OPHN1: variants seen among roughly 807,000 people sequenced by gnomAD.
OPHN1 encodes oligophrenin 1, also known as oligophrenin-1.
A neutral mutation model predicts 60.7 loss-of-function variants in OPHN1; 11 were observed. That is an observed-to-expected ratio of 0.18 (90% CI 0.11 to 0.30). OPHN1 has a LOEUF of 0.30. Among genes scored for constraint, OPHN1 ranks in the 10% least tolerant of loss-of-function variants. The pLI, the probability that OPHN1 is intolerant of heterozygous loss-of-function variation, is 1.00. For synonymous variants in OPHN1, 226 were observed against 222.6 expected (o/e 1.02, Z -0.14); for missense variants, 449 against 611.0 (o/e 0.73, Z 2.80).
chrX:68,426,553 T>TAC (rs1491173430), intron 2 of OPHN1, among the ~76,000 whole-genome samples: 56 of 44,366 alleles, frequency 1.3e-3, no homozygotes, highest in Non-Finnish European at 2.4e-3. Flanking sequence ...ACATCTGTTT[T>TAC]ATATATATAT....
intron 2 of OPHN1, among the ~76,000 whole-genome samples, chrX:68,420,515 A>G (rs12395347): frequency 0.043 from 4,843 of 111,753 alleles, 285 homozygotes; most frequent in African/African-American, 0.15. Context: ...CTATATATCC[A>G]CATCCTAAAA....
Position 68,270,972 on chromosome X carries a change from T to C in OPHN1, c.384+3766A>G, listed in dbSNP as rs926332148. On this transcript the variant is annotated intron_variant, in intron 5 of 24. Transcript: ENST00000355520. The stretch of plus-strand genomic sequence containing the variant: ...AGTGTCCCCACCTGTTAATGGGGGA[T>C]AATAACTTTTGCAAGATTGTTCTGA... Among the ~76,000 whole-genome samples the C allele has an allele frequency of 5.4e-4, 60 of 111,050 alleles. 1 individual carries two copies. The highest frequency in any genetic ancestry group is 1.9e-3 in the African/African-American group (59 of 30,575).
Position 68,359,909 on chromosome X carries a change from A to G in OPHN1, c.155-60813T>C, listed in dbSNP as rs184510721. Among the ~76,000 whole-genome samples, 238 of 106,508 alleles carry G rather than the reference A, an allele frequency of 2.2e-3. 2 individuals carry two copies. Among genetic ancestry groups the G allele is most frequent in the African/African-American group, 8.0e-3 (231 of 29,039 alleles). The allele number at this position is 106,508 out of a possible 115,157, so 92.5% of individuals were successfully genotyped here. ...AATTGCCTAGTACAGCATGAGAGCC[A>G]GAATGCCTAAGTTCAAATCACCAGG... is the stretch of plus-strand genomic sequence containing the variant. On this transcript the variant is annotated intron_variant, in intron 2 of 24. Coordinates refer to ENST00000355520, the MANE Select transcript of OPHN1 (RefSeq NM_002547.3).
intron 2 of OPHN1, among the ~76,000 whole-genome samples, chrX:68,325,462 C>T (rs1431448377): frequency 9.7e-6 from 1 of 103,372 alleles, no homozygotes; most frequent in Non-Finnish European, 2.0e-5. Context: ...AATATTATTA[C>T]ATAAAATATG....
Position 68,242,214 on chromosome X carries a change from C to CAAA in OPHN1, c.385-7629_385-7627dup, listed in dbSNP as rs753856136. Among the ~76,000 whole-genome samples the CAAA allele has an allele frequency of 9.9e-3, 235 of 23,624 alleles. 8 individuals carry two copies. Among genetic ancestry groups the CAAA allele is most frequent in the African/African-American group, 0.024 (205 of 8,487 alleles). 20.5% of individuals were successfully genotyped at this position (23,624 alleles called of 115,157 possible). A position where few individuals can be genotyped will look rare whatever the true frequency, so the allele number is the denominator to read the frequency against. On this transcript the variant is annotated intron_variant, in intron 5 of 24. Transcript: ENST00000355520. Reference sequence around the variant, plus strand: ...CAGCATGGTGAGACCCCCATCTCTACAAAAAAAAAAAAAAAAAAAAAAGCT... The same window carrying CAAA: ...CAGCATGGTGAGACCCCCATCTCTACAAAAAAAAAAAAAAAAAAAAAAAAAGCT...
chrX:68,242,615 G>A (rs949236055), intron 5 of OPHN1, among the ~76,000 whole-genome samples: 8 of 110,995 alleles, frequency 7.2e-5, no homozygotes, highest in Non-Finnish European at 1.5e-4. Flanking sequence ...CAGATACTTG[G>A]TGACCAATGT....
At chrX:68,331,186 ATAG>A (rs1302558575) in intron 2 of OPHN1, among the ~76,000 whole-genome samples, 2 of 106,493 alleles carry the variant, frequency 1.9e-5, no homozygotes, top group African/African-American at 3.4e-5. Flanking sequence ...TATATACAAT[ATAG>A]TACATAATTA....
intron 2 of OPHN1, among the ~76,000 whole-genome samples, chrX:68,315,086 G>A (rs1240072554): frequency 5.5e-5 from 6 of 109,857 alleles, no homozygotes; most frequent in Non-Finnish European, 1.1e-4. Context: ...TCATGGTCAC[G>A]TGCATCTTCC....
chrX:68,149,860 C>T (rs753141550), intron 15 of OPHN1, among the ~76,000 whole-genome samples: 2 of 111,002 alleles, frequency 1.8e-5, no homozygotes, highest in Non-Finnish European at 3.8e-5. Flanking sequence ...GATGTTCATA[C>T]CAGCACTATT....
intron 15 of OPHN1, among the ~76,000 whole-genome samples, chrX:68,179,467 C>T (rs1290745107): frequency 1.8e-5 from 2 of 112,084 alleles, no homozygotes; most frequent in Non-Finnish European, 3.8e-5. Context: ...GAGTCAGATT[C>T]CTCTGAATTC....
intron 2 of OPHN1, among the ~76,000 whole-genome samples, chrX:68,402,652 T>C (rs1322465600): frequency 8.9e-6 from 1 of 112,067 alleles, no homozygotes; most frequent in Non-Finnish European, 1.9e-5. Context: ...ATCTGTTCTC[T>C]TCAAACAGCC....
At chrX:68,157,145 C>T (rs139016446) in intron 15 of OPHN1, among the ~76,000 whole-genome samples, 236 of 111,916 alleles carry the variant, frequency 2.1e-3, no homozygotes, top group African/African-American at 7.2e-3. Flanking sequence ...TATATTTCCT[C>T]AGTTGCACTA....
intron 5 of OPHN1, among the ~76,000 whole-genome samples, chrX:68,264,116 T>A (rs1381774562): frequency 9.0e-6 from 1 of 111,423 alleles, no homozygotes; most frequent in Non-Finnish European, 1.9e-5. Context: ...CAAGATGGAT[T>A]AAAGACTTAC....
At chrX:68,285,676 G>A (rs1029797955) in intron 3 of OPHN1, among the ~76,000 whole-genome samples, 11 of 110,113 alleles carry the variant, frequency 1.0e-4, no homozygotes, top group African/African-American at 3.6e-4. Context: ...TATCCCACAG[G>A]TATCTGAGGT....
At position 68,042,661 on chromosome X, in the gene OPHN1, C is replaced by G. The variant is rs1352789267; in HGVS notation, c.*4511G>C. ...GCCATCAGAGAAATGCAAATCAAAA[C>G]CACTATGAGATATCATCTCACACCA... On this transcript the variant is annotated 3_prime_UTR_variant, in exon 25 of 25. Coordinates refer to ENST00000355520, the MANE Select transcript of OPHN1 (RefSeq NM_002547.3). 2 of 97,458 alleles carry G rather than the reference C, an allele frequency of 2.1e-5. No homozygotes were observed. Among genetic ancestry groups the G allele is most frequent in the African/African-American group, 7.6e-5 (2 of 26,441 alleles). 8.0% of individuals were successfully genotyped at this position (97,458 alleles called of 1,213,427 possible).
intron 2 of OPHN1, among the ~76,000 whole-genome samples, chrX:68,339,276 G>GA (rs1277616134): frequency 9.1e-6 from 1 of 109,322 alleles, no homozygotes; most frequent in African/African-American, 3.3e-5. Context: ...ACCTCATAAA[G>GA]AAAATCTATG....
At chrX:68,055,536 A>T (rs761389508) in intron 21 of OPHN1, among the ~76,000 whole-genome samples, 1 of 112,176 alleles carries the variant, frequency 8.9e-6, no homozygotes, top group South Asian at 3.8e-4. Flanking sequence ...ATTGTGGAAG[A>T]CAGTGTGGCG....
chrX:68,138,615 T>C (rs1460645836), intron 15 of OPHN1, among the ~76,000 whole-genome samples: 2 of 111,667 alleles, frequency 1.8e-5, no homozygotes, highest in Non-Finnish European at 3.8e-5. Context: ...TACAAGACAA[T>C]GGAGAAATAA....
At chrX:68,386,936 C>G (rs2078627315) in intron 2 of OPHN1, among the ~76,000 whole-genome samples, 1 of 111,403 alleles carries the variant, frequency 9.0e-6, no homozygotes. Context: ...ACCTTGTTGC[C>G]ATCTAACATT....
Sources: gnomAD v4.1 joint callset for allele counts (sites outside exome capture counted in the v4.1 genomes callset) on GRCh38, gnomAD v4.1.1 for gene constraint, MANE v1.5 for transcripts, NCBI Gene and HGNC (gene_info 2026-07-23, HGNC 2026-07-21) for gene names.